STOX2: variants seen among roughly 807,000 people sequenced by gnomAD.
The protein encoded by STOX2 is storkhead-box protein 2.
STOX2 carries 28 observed loss-of-function variants against 60.9 expected under a neutral mutation model. The observed-to-expected ratio is 0.46, with a 90% CI of 0.34 to 0.63. STOX2 has a LOEUF of 0.63. Among genes scored for constraint, STOX2 ranks in the 30% least tolerant of loss-of-function variants. STOX2 has a pLI of 0.01. For missense variants in STOX2, 1,024 were observed against 1,187.7 expected (o/e 0.86, Z 2.03); for synonymous variants, 472 against 463.9 (o/e 1.02, Z -0.22).
At chr4:183,952,298 A>G (rs1033431801) in intron 1 of STOX2, among the ~76,000 whole-genome samples, 1 of 152,236 alleles carries the variant, frequency 6.6e-6, no homozygotes, top group African/African-American at 2.4e-5. Context: ...TTCATATACT[A>G]TTCTTCTAAA....
At chr4:183,799,143 A>G (rs28710383) in intron 1 of STOX2, among the ~76,000 whole-genome samples, 28,485 of 152,134 alleles carry the variant, frequency 0.19, 2,961 homozygotes, top group African/African-American at 0.27. Flanking sequence ...TGACGAATTT[A>G]TAGCATTTTT....
At chr4:183,881,559 C>G (rs1740960156) in intron 1 of STOX2, among the ~76,000 whole-genome samples, 1 of 152,112 alleles carries the variant, frequency 6.6e-6, no homozygotes, top group Non-Finnish European at 1.5e-5. Flanking sequence ...ACATTTTAAG[C>G]TCTTATATAT....
intron 1 of STOX2, among the ~76,000 whole-genome samples, chr4:183,892,302 G>A (rs910708024): frequency 1.3e-5 from 2 of 152,136 alleles, no homozygotes; most frequent in Non-Finnish European, 2.9e-5. Flanking sequence ...TTTTTGAGAC[G>A]GAGTCTCGCT....
intron 1 of STOX2, among the ~76,000 whole-genome samples, chr4:183,940,516 C>A (rs910625864): frequency 1.3e-5 from 2 of 152,204 alleles, no homozygotes; most frequent in African/African-American, 4.8e-5. Flanking sequence ...TCCTGCTCCA[C>A]ACTGATTTTT....
At chr4:183,899,864 G>A (rs1741425537) in intron 1 of STOX2, among the ~76,000 whole-genome samples, 2 of 152,178 alleles carry the variant, frequency 1.3e-5, no homozygotes, top group South Asian at 4.1e-4. Flanking sequence ...ATGCCATCTA[G>A]GACTTTCATA....
intron 1 of STOX2, among the ~76,000 whole-genome samples, chr4:183,814,200 C>T (rs574432992): frequency 2.0e-5 from 3 of 151,930 alleles, no homozygotes; most frequent in Non-Finnish European, 1.5e-5. Context: ...AGTATATAGC[C>T]GTTAAAATAT....
intron 1 of STOX2, among the ~76,000 whole-genome samples, chr4:183,835,901 C>T (rs1237592663): frequency 6.6e-6 from 1 of 152,174 alleles, no homozygotes; most frequent in Non-Finnish European, 1.5e-5. Context: ...ATTGCTGGGT[C>T]GTATGGTAAC....
intron 1 of STOX2, among the ~76,000 whole-genome samples, chr4:183,822,372 C>T (rs973736143): frequency 3.3e-5 from 5 of 152,274 alleles, no homozygotes; most frequent in Admixed American, 6.5e-5. Flanking sequence ...ATGACTCAAG[C>T]GCATGACCTT....
In STOX2 at chr4:183,949,638, C is replaced by T. The variant is rs186810744; in HGVS notation, c.166+42682C>T. On this transcript the variant is annotated intron_variant, in intron 1 of 3. Coordinates refer to ENST00000308497, the MANE Select transcript of STOX2 (RefSeq NM_020225.3). ...GCTTGAACCCGGGAGATGTAGGTTG[C>T]AGTGAGCCCAGATCGTGCCATTGTA... is the stretch of plus-strand genomic sequence containing the variant. 3.3e-5 allele frequency among the ~76,000 whole-genome samples: 5 copies of T among 152,290 alleles called. No individual in the cohort carries two copies. The East Asian group carries it at 9.7e-4, about 29-fold the overall frequency.
intron 1 of STOX2, among the ~76,000 whole-genome samples, chr4:183,866,825 G>A (rs1400954596): frequency 6.6e-6 from 1 of 152,168 alleles, no homozygotes; most frequent in African/African-American, 2.4e-5. Context: ...GCCGCAGTGA[G>A]TGGCAATTGG....
intron 1 of STOX2, among the ~76,000 whole-genome samples, chr4:183,888,580 A>T: frequency 6.6e-6 from 1 of 152,160 alleles, no homozygotes; most frequent in Non-Finnish European, 1.5e-5. Context: ...CGAGGCTGGT[A>T]CTGAGGCAGC....
chr4:183,909,445 T>C (rs1247404684), intron 1 of STOX2, among the ~76,000 whole-genome samples: 2 of 152,224 alleles, frequency 1.3e-5, no homozygotes, highest in Non-Finnish European at 2.9e-5. Context: ...GTTTAATTAC[T>C]ACTGGTATCC....
intron 1 of STOX2, among the ~76,000 whole-genome samples, chr4:183,991,582 C>T (rs1298468557): frequency 6.6e-6 from 1 of 152,096 alleles, no homozygotes; most frequent in Non-Finnish European, 1.5e-5. Context: ...CATCTGCCAC[C>T]ACGCCTGGCT....
At chr4:183,923,347 T>C (rs988118419) in intron 1 of STOX2, among the ~76,000 whole-genome samples, 5 of 152,214 alleles carry the variant, frequency 3.3e-5, no homozygotes, top group Admixed American at 6.5e-5. Context: ...TTCTTAGTCA[T>C]GTATGTTATG....
chr4:183,824,875 G>C (rs1249954570), intron 1 of STOX2, among the ~76,000 whole-genome samples: 1 of 152,192 alleles, frequency 6.6e-6, no homozygotes, highest in African/African-American at 2.4e-5. Context: ...CCAGATGGGG[G>C]CTTCCAGGCA....
chr4:183,839,484 G>A (rs896636735), intron 1 of STOX2, among the ~76,000 whole-genome samples: 10 of 152,194 alleles, frequency 6.6e-5, no homozygotes, highest in Non-Finnish European at 1.5e-4. Flanking sequence ...CACCATGAAC[G>A]AGGGAAATGG....
rs758310843 is a variant in STOX2, at chr4:183,906,812, A to G, written c.22A>G (p.Thr8Ala). 1.4e-5 allele frequency: 22 copies of G among 1,558,230 alleles called. No individual in the cohort carries two copies. Among genetic ancestry groups the G allele is most frequent in the African/African-American group, 6.9e-5 (5 of 72,938 alleles). Residue 8 changes from threonine to alanine, a missense_variant, in exon 1 of 4, where the codon ACC becomes GCC. Thr to Ala is a moderately conservative substitution (Grantham distance 58). This residue lies in a region of STOX2 where 98 missense variants were observed against 110.2 expected (regional missense o/e 0.89). Coordinates refer to ENST00000308497, the MANE Select transcript of STOX2 (RefSeq NM_020225.3). ...CACCATGAAGAAGACCCGGAGCACA[A>G]CCTTGCGGCGAGCCTGGCCTAGCTC... is the stretch of plus-strand genomic sequence containing the variant. MKKTRSTTLRRAWPSSDF... is the reference protein window; with the variant it reads MKKTRSTALRRAWPSSDF...
chr4:183,958,157 G>C (rs1012048038), intron 1 of STOX2, among the ~76,000 whole-genome samples: 2 of 152,028 alleles, frequency 1.3e-5, no homozygotes, highest in African/African-American at 4.8e-5. Context: ...CATGAATAAG[G>C]CACCCTGGTT....
At chr4:183,955,437 AT>A (rs199946788) in intron 1 of STOX2, among the ~76,000 whole-genome samples, 1 of 152,064 alleles carries the variant, frequency 6.6e-6, no homozygotes, top group African/African-American at 2.4e-5. Context: ...TCCCACCAGA[AT>A]TTTTTTCCCC....
Sources: gnomAD v4.1 joint callset for allele counts (sites outside exome capture counted in the v4.1 genomes callset) on GRCh38, gnomAD v4.1.1 for gene constraint, gnomAD v4.1.1 regional missense constraint, MANE v1.5 for transcripts, NCBI Gene and HGNC (gene_info 2026-07-23, HGNC 2026-07-21) for gene names.